The following MICAL2 variants were observed in gnomAD, a reference collection of about 807,000 sequenced individuals.
MICAL2 encodes the protein microtubule associated monooxygenase, calponin and LIM domain containing 2.
MICAL2 carries 77 observed loss-of-function variants against 127.3 expected under a neutral mutation model. That is an observed-to-expected ratio of 0.60 (90% CI 0.50 to 0.73). The LOEUF (loss-of-function observed/expected upper bound fraction) is 0.73. Ranked by LOEUF, MICAL2 falls within the 30% of genes least tolerant of loss-of-function variation. The probability of loss-of-function intolerance (pLI) is 0.00; values close to 1 mark genes in which losing one functional copy is unlikely to be tolerated. For synonymous variants in MICAL2, 570 were observed against 551.1 expected (o/e 1.03, Z -0.48); for missense variants, 1,351 against 1,434.4 (o/e 0.94, Z 0.94).
chr11:12,327,109 A>T (rs1864361520), intron 31 of MICAL2: 1 of 1,417,672 alleles, frequency 7.1e-7, no homozygotes, highest in Non-Finnish European at 9.8e-7. Context: ...TAAGTGGCAG[A>T]ATCAGCCCCT....
In MICAL2 at chr11:12,256,958, T is replaced by C. The variant is rs147452358; in HGVS notation, c.3129T>C (p.Phe1043=). The part of the protein sequence containing the change: ...ATTLRLAAYT[F]DCDEGKFYCK... Reference sequence around the variant, plus strand: ...CCTTGCGCCTGGCCGCCTACACCTTTGACTGCGATGAAGGTAACCCCAGGG... The same window carrying C: ...CCTTGCGCCTGGCCGCCTACACCTTCGACTGCGATGAAGGTAACCCCAGGG... Residue 1043 remains phenylalanine, a synonymous_variant, in exon 24 of 28, where the codon TTT becomes TTC. Transcript: ENST00000683283. 1.9e-6 allele frequency: 3 copies of C among 1,613,100 alleles called. No individual in the cohort carries two copies. In the Admixed American group the frequency reaches 5.0e-5, roughly 27 times the overall value.
At chr11:12,226,901 G>C in intron 14 of MICAL2, 124 bp from the exon 15 acceptor site, 1 of 718,426 alleles carries the variant, frequency 1.4e-6, no homozygotes. Context: ...TGATCCACCT[G>C]TCTTGGCCTC....
intron 6 of MICAL2, among the ~76,000 whole-genome samples, chr11:12,212,806 T>C (rs978042337): frequency 6.6e-6 from 1 of 152,068 alleles, no homozygotes; most frequent in Non-Finnish European, 1.5e-5. Context: ...ATGAAGAAAA[T>C]TTGTTAAAAT....
At chr11:12,121,128 A>G (rs1465898369) in intron 1 of MICAL2, among the ~76,000 whole-genome samples, 1 of 152,210 alleles carries the variant, frequency 6.6e-6, no homozygotes, top group Admixed American at 6.5e-5. Flanking sequence ...CACATTCTGC[A>G]GCTTGTACAC....
intron 3 of MICAL2, among the ~76,000 whole-genome samples, chr11:12,182,823 T>C (rs1044942728): frequency 2.0e-5 from 3 of 152,128 alleles, no homozygotes; most frequent in Admixed American, 6.5e-5. Context: ...CCTGAGCTCA[T>C]GGGTTGGGAA....
At chr11:12,190,233 A>C (rs776233459) in intron 3 of MICAL2, among the ~76,000 whole-genome samples, 1 of 152,096 alleles carries the variant, frequency 6.6e-6, no homozygotes, top group Non-Finnish European at 1.5e-5. Flanking sequence ...GAAGGCCTCA[A>C]AGTTCCTCTG....
At chr11:12,286,618 C>T (rs1863830036) in intron 2 of MICAL2, among the ~76,000 whole-genome samples, 1 of 152,152 alleles carries the variant, frequency 6.6e-6, no homozygotes, top group South Asian at 2.1e-4. Context: ...CCTGTAACCC[C>T]AGCACTTTGG....
chr11:12,353,511 C>G (rs1273137706), intron 33 of MICAL2, among the ~76,000 whole-genome samples: 1 of 152,232 alleles, frequency 6.6e-6, no homozygotes, highest in East Asian at 1.9e-4. Flanking sequence ...TCAGCTCTCA[C>G]CTCTGACCAC....
At chr11:12,355,319 A>G (rs1229463424) in intron 34 of MICAL2, among the ~76,000 whole-genome samples, 1 of 152,150 alleles carries the variant, frequency 6.6e-6, no homozygotes, top group Non-Finnish European at 1.5e-5. Flanking sequence ...CAGGCACTAG[A>G]GCTAGTAAAG....
In MICAL2 at chr11:12,301,399, G is replaced by A. The variant is rs143913579; in HGVS notation, c.5212+6542G>A. On this transcript the variant is annotated intron_variant, in intron 29 of 34. Transcript: ENST00000646065. ...ATATCATAATTTATTCGTGCCTTCTGTTTTTGGGCATTGAGGTTGTTTTCA... is the reference window on the plus strand; with the variant it reads ...ATATCATAATTTATTCGTGCCTTCTATTTTTGGGCATTGAGGTTGTTTTCA... 6.5e-3 allele frequency among the ~76,000 whole-genome samples: 993 copies of A among 152,236 alleles called. 12 individuals carry two copies. Among genetic ancestry groups the A allele is most frequent in the African/African-American group, 0.023 (958 of 41,524 alleles).
chr11:12,327,053 C>A, intron 31 of MICAL2: 1 of 831,978 alleles, frequency 1.2e-6, no homozygotes, highest in Non-Finnish European at 2.0e-6. Flanking sequence ...CCTAGTTATT[C>A]AAGGCAGGAC....
At chr11:12,220,577 AG>A in intron 9 of MICAL2, 119 bp downstream of exon 9, 11 of 1,397,220 alleles carry the variant, frequency 7.9e-6, no homozygotes, top group African/African-American at 1.4e-5. Context: ...GCCAGTTGGC[AG>A]GACTCTGCCA....
chr11:12,350,029 TTC>T, intron 33 of MICAL2: 1 of 956,392 alleles, frequency 1.0e-6, no homozygotes, highest in South Asian at 1.5e-5. Flanking sequence ...TCGGGACTTT[TTC>T]TCCTTGTGCA....
At chr11:12,214,443 G>T (rs1338607440) in intron 7 of MICAL2, among the ~76,000 whole-genome samples, 1 of 152,116 alleles carries the variant, frequency 6.6e-6, no homozygotes, top group African/African-American at 2.4e-5. Flanking sequence ...TCTTTAGTCA[G>T]CTTTTCTCAT....
chr11:12,181,203 C>A, intron 3 of MICAL2, among the ~76,000 whole-genome samples: 1 of 152,180 alleles, frequency 6.6e-6, no homozygotes, highest in East Asian at 1.9e-4. Flanking sequence ...CTTGGCCTCC[C>A]AAAGCGCTAG....
At chr11:12,145,814 G>C (rs866691119) in intron 2 of MICAL2, among the ~76,000 whole-genome samples, 1 of 152,236 alleles carries the variant, frequency 6.6e-6, no homozygotes, top group African/African-American at 2.4e-5. Flanking sequence ...TGGACTGCCA[G>C]TTGGGTGGAC....
chr11:12,330,535 G>A (rs1057449991), intron 32 of MICAL2, among the ~76,000 whole-genome samples: 1 of 152,016 alleles, frequency 6.6e-6, no homozygotes, highest in Admixed American at 6.6e-5. Context: ...TCATTAGGCG[G>A]GCATTGAATT....
At chr11:12,308,998 T>C (rs1333024407) in intron 29 of MICAL2, among the ~76,000 whole-genome samples, 2 of 152,238 alleles carry the variant, frequency 1.3e-5, no homozygotes, top group Non-Finnish European at 2.9e-5. Context: ...TTTTGTTACT[T>C]TAGTCAACAT....
At chr11:12,349,937 T>C (rs1467428455) in exon 33 of MICAL2, 1 of 1,613,256 alleles carries the variant, frequency 6.2e-7, no homozygotes, top group Non-Finnish European at 8.5e-7. Context: ...CTCCTAATCA[T>C]GTAAGTAAGG....
Sources: allele counts gnomAD v4.1 joint callset (sites outside exome capture counted in the v4.1 genomes callset), GRCh38; gene constraint gnomAD v4.1.1; transcripts MANE v1.5; gene names NCBI Gene and HGNC (gene_info 2026-07-23, HGNC 2026-07-21).